PFN2: variants seen among roughly 807,000 people sequenced by gnomAD.
PFN2 encodes profilin 2, also known as profilin-2.
PFN2 carries 8 observed loss-of-function variants against 15.3 expected under a neutral mutation model. The ratio of observed to expected loss-of-function variants is 0.52; its 90% CI spans 0.31 to 0.95. PFN2 has a LOEUF of 0.95. Among genes scored for constraint, PFN2 ranks in the 40% least tolerant of loss-of-function variants. PFN2 has a pLI of 0.05. For missense variants in PFN2, 111 were observed against 182.3 expected, an observed-to-expected ratio of 0.61 and a Z score of 2.25; for synonymous variants, 79 against 67.9, an observed-to-expected ratio of 1.16 and a Z score of -0.81.
In PFN2 at chr3:149,965,498, C is replaced by G; in HGVS notation, c.*991G>C. 1 of 1,407,906 alleles carries G rather than the reference C, an allele frequency of 7.1e-7. No homozygotes were observed. Among genetic ancestry groups the G allele is most frequent in the Non-Finnish European group, 9.2e-7 (1 of 1,087,838 alleles). The allele number at this position is 1,407,906 out of a possible 1,614,324, so 87.2% of individuals were successfully genotyped here. On this transcript the variant is annotated 3_prime_UTR_variant, in exon 3 of 3. Coordinates refer to ENST00000239940, the MANE Select transcript of PFN2 (RefSeq NM_053024.4). ...TACTGTAAGGTCATGGGAGGAAGTG[C>G]TTTTTGCTCTTGTTTTGCCATTGCA...
chr3:149,964,995 A>G lies in PFN2; in HGVS notation c.*1494T>C. On this transcript the variant is annotated 3_prime_UTR_variant, in exon 3 of 3. Coordinates refer to ENST00000239940, the MANE Select transcript of PFN2 (RefSeq NM_053024.4). ...AAATGCATATTAAATCAGATGAGTT[A>G]GACTGTATCCCAGATGTAACAAAGT... 2.0e-6 allele frequency: 1 copy of G among 495,368 alleles called. No homozygotes were observed. The highest frequency in any genetic ancestry group is 3.7e-5 in the South Asian group (1 of 27,144). 30.7% of individuals were successfully genotyped at this position (495,368 alleles called of 1,614,324 possible). A position where few individuals can be genotyped will look rare whatever the true frequency, so the allele number is the denominator to read the frequency against.
rs553690087 is a variant in PFN2, at chr3:149,965,852, A to G, written c.*637T>C. ...ACTGATCAGAGATTGTACAACCGGC[A>G]CCTTGCTTAATATTAACTTATTTTA... On this transcript the variant is annotated 3_prime_UTR_variant, in exon 3 of 3. Transcript: ENST00000239940. 1.0e-5 allele frequency: 12 copies of G among 1,155,344 alleles called. No individual in the cohort carries two copies. Among genetic ancestry groups the G allele is most frequent in the Non-Finnish European group, 1.1e-5 (10 of 936,742 alleles). 71.6% of individuals were successfully genotyped at this position (1,155,344 alleles called of 1,614,324 possible). A position where few individuals can be genotyped will look rare whatever the true frequency, so the allele number is the denominator to read the frequency against.
chr3:149,968,443 G>C lies in PFN2; in HGVS notation c.240C>G (p.Val80=). The change falls in exon 2 of 3, where the codon GTC becomes GTG. Residue 80 remains valine (V), a synonymous_variant. Transcript: ENST00000239940. The part of the protein sequence containing the change: ...KCSVIRDSLY[V]DGDCTMDIRT... ...GGATGTCCATTGTGCAGTCACCATC[G>C]ACGTATAGACTATCTCTGATCACTG... 6.2e-7 allele frequency: 1 copy of C among 1,613,870 alleles called. No homozygotes were observed. Among genetic ancestry groups the C allele is most frequent in the Non-Finnish European group, 8.5e-7 (1 of 1,179,956 alleles).
intron 2 of PFN2, among the ~76,000 whole-genome samples, chr3:149,967,230 G>C (rs970425221): frequency 1.3e-5 from 2 of 152,146 alleles, no homozygotes; most frequent in Non-Finnish European, 1.5e-5. Context: ...CAATTCAAAG[G>C]TGTATAACCC....
In PFN2 at chr3:149,968,399, C is replaced by G. The variant is rs1722750401; in HGVS notation, c.284G>C (p.Gly95Ala). 6.2e-7 allele frequency: 1 copy of G among 1,613,992 alleles called. No individual in the cohort carries two copies. Among genetic ancestry groups the G allele is most frequent in the Non-Finnish European group, 8.5e-7 (1 of 1,180,012 alleles). Residue 95 changes from glycine to alanine, a missense_variant, in exon 2 of 3, where the codon GGG (glycine) becomes GCG (alanine). Coordinates refer to ENST00000239940, the MANE Select transcript of PFN2 (RefSeq NM_053024.4). ...GACAGCCACATTGTATGTTGGCTCC[C>G]CACCTTGACTCTTTGTCCGGATGTC... ...TMDIRTKSQGGEPTYNVAVGR... is the reference protein window; with the variant it reads ...TMDIRTKSQGAEPTYNVAVGR...
intron 2 of PFN2, among the ~76,000 whole-genome samples, chr3:149,967,955 G>T (rs1276807898): frequency 1.3e-5 from 2 of 152,064 alleles, no homozygotes; most frequent in African/African-American, 4.8e-5. Flanking sequence ...GTAGTGAAAT[G>T]GTTAGAATAC....
intron 1 of PFN2, among the ~76,000 whole-genome samples, chr3:149,970,148 C>G (rs1340124759): frequency 1.3e-5 from 2 of 152,160 alleles, no homozygotes; most frequent in East Asian, 3.9e-4. Context: ...CCCCAGAGGC[C>G]TGGACATCGG....
chr3:149,966,172 C>A lies in PFN2; in HGVS notation c.*317G>T, dbSNP rs1326445787. The A allele has an allele frequency of 1.2e-6, 2 of 1,613,110 alleles. No individual in the cohort carries two copies. Among genetic ancestry groups the A allele is most frequent in the Non-Finnish European group, 1.7e-6 (2 of 1,179,438 alleles). ...GGTAGATGGGGAGAGGCTGCTTACA[C>A]ATCAGACCTCCTCAGGTATAAAGCG... On this transcript the variant is annotated 3_prime_UTR_variant, in exon 3 of 3. Coordinates refer to ENST00000239940, the MANE Select transcript of PFN2 (RefSeq NM_053024.4).
chr3:149,967,529 T>C (rs995006782), intron 2 of PFN2, among the ~76,000 whole-genome samples: 5 of 152,326 alleles, frequency 3.3e-5, no homozygotes, highest in Non-Finnish European at 7.3e-5. Flanking sequence ...TCCCCTCACA[T>C]GGTAGAGCTG....
At position 149,965,456 on chromosome 3, in the gene PFN2, G is replaced by C. The variant is rs572983403; in HGVS notation, c.*1033C>G. On this transcript the variant is annotated 3_prime_UTR_variant, in exon 3 of 3. Coordinates refer to ENST00000239940, the MANE Select transcript of PFN2 (RefSeq NM_053024.4). ...ATTGCAATGATGGAATGTCCCTGGGGATTCAATCAGTATGGTTACTGTAAG... is the reference window on the plus strand; with the variant it reads ...ATTGCAATGATGGAATGTCCCTGGGCATTCAATCAGTATGGTTACTGTAAG... 153 of 1,437,824 alleles carry C rather than the reference G, an allele frequency of 1.1e-4. No homozygotes were observed. The highest frequency in any genetic ancestry group is 1.3e-4 in the Non-Finnish European group (145 of 1,103,852). The allele number at this position is 1,437,824 out of a possible 1,614,324, so 89.1% of individuals were successfully genotyped here.
chr3:149,968,827 A>G (rs189225843), intron 1 of PFN2: 1 of 375,156 alleles, frequency 2.7e-6, no homozygotes, highest in East Asian at 4.7e-5. Flanking sequence ...AAGAGTTGAC[A>G]GTTGACACTA....
At chr3:149,968,641 A>G (rs1194740931) in intron 1 of PFN2, 91 bp from the exon 2 acceptor site, 3 of 1,080,164 alleles carry the variant, frequency 2.8e-6, no homozygotes, top group Non-Finnish European at 2.7e-6. Context: ...GAAGGGCTGT[A>G]GCTAGGCTTA....
Position 149,965,612 on chromosome 3 carries a change from C to A in PFN2, c.*877G>T. On this transcript the variant is annotated 3_prime_UTR_variant, in exon 3 of 3. Transcript: ENST00000239940. ...ACTAAAAGCAAACTACTGCAGCTCT[C>A]AATAGCTCATCAACAAAAGGGATTT... The A allele has an allele frequency of 9.4e-7, 1 of 1,067,704 alleles. No homozygotes were observed. Among genetic ancestry groups the A allele is most frequent in the Non-Finnish European group, 1.1e-6 (1 of 887,612 alleles). The allele number at this position is 1,067,704 out of a possible 1,614,324, so 66.1% of individuals were successfully genotyped here.
Position 149,965,936 on chromosome 3 carries a change from C to A in PFN2, c.*553G>T. The A allele has an allele frequency of 7.6e-7, 1 of 1,320,632 alleles. No homozygotes were observed. Among genetic ancestry groups the A allele is most frequent in the South Asian group, 2.1e-5 (1 of 46,984 alleles). The allele number at this position is 1,320,632 out of a possible 1,614,324, so 81.8% of individuals were successfully genotyped here. A position where few individuals can be genotyped will look rare whatever the true frequency, so the allele number is the denominator to read the frequency against. ...TGATGCCCAACTTGGCATGCCCCCT[C>A]CCCCCAATTTCAAGGTATCATGCAA... On this transcript the variant is annotated 3_prime_UTR_variant, in exon 3 of 3. Transcript: ENST00000239940.
At chr3:149,970,420 T>TGCGTGCCCC (rs1209025133) in intron 1 of PFN2, 9 of 238,502 alleles carry the variant, frequency 3.8e-5, no homozygotes, top group Non-Finnish European at 7.2e-5. Context: ...CCCCTTGCCC[T>TGCGTGCCCC]GGCCGGTGCG....
chr3:149,965,235 C>T lies in PFN2; in HGVS notation c.*1254G>A. 6.6e-7 allele frequency: 1 copy of T among 1,523,990 alleles called. No homozygotes were observed. The highest frequency in any genetic ancestry group is 8.7e-7 in the Non-Finnish European group (1 of 1,145,548). 94.4% of individuals were successfully genotyped at this position (1,523,990 alleles called of 1,614,324 possible). A position where few individuals can be genotyped will look rare whatever the true frequency, so the allele number is the denominator to read the frequency against. ...GAATACATATGAAAAAAATTCATCA[C>T]AAGACAGCCAAGTCCACAATAATGC... On this transcript the variant is annotated 3_prime_UTR_variant, in exon 3 of 3. Coordinates refer to ENST00000239940, the MANE Select transcript of PFN2 (RefSeq NM_053024.4).
chr3:149,965,383 TAA>T lies in PFN2; in HGVS notation c.*1104_*1105del, dbSNP rs1460387176. 9 of 1,478,684 alleles carry T rather than the reference TAA, an allele frequency of 6.1e-6. No homozygotes were observed. Among genetic ancestry groups the T allele is most frequent in the Non-Finnish European group, 6.2e-6 (7 of 1,125,624 alleles). 91.6% of individuals were successfully genotyped at this position (1,478,684 alleles called of 1,614,324 possible). ...TAATGGCAGCCTTTTACAATTTTAC[TAA>T]AGAGTAGAGCTGGTGTGCAAAGAAA... On this transcript the variant is annotated 3_prime_UTR_variant, in exon 3 of 3. Transcript: ENST00000239940.
intron 1 of PFN2, 27 bp from the exon 2 acceptor site, chr3:149,968,577 A>G: frequency 6.9e-7 from 1 of 1,449,702 alleles, no homozygotes. Context: ...AGAAAAAAAA[A>G]AAACACACAC....
At position 149,970,771 on chromosome 3, in the gene PFN2, T is replaced by C. The variant is rs1179757541; in HGVS notation, c.86A>G (p.Lys29Arg). 3.3e-6 allele frequency: 5 copies of C among 1,517,886 alleles called. No homozygotes were observed. Among genetic ancestry groups the C allele is most frequent in the South Asian group, 1.2e-5 (1 of 81,810 alleles). The allele number at this position is 1,517,886 out of a possible 1,614,324, so 94.0% of individuals were successfully genotyped here. ...CCCGGCCGTGGCTGCCCAGACGTAT[T>C]TGGCGTCGCAGTAGCCGACAATGGC... ...EAAIVGYCDA[K>R]YVWAATAGGV... Residue 29 changes from lysine to arginine, a missense_variant, in exon 1 of 3, where the codon AAA becomes AGA. Lys to Arg is a conservative substitution (Grantham distance 26). Coordinates refer to ENST00000239940, the MANE Select transcript of PFN2 (RefSeq NM_053024.4).
Sources: allele counts gnomAD v4.1 joint callset (sites outside exome capture counted in the v4.1 genomes callset), GRCh38; gene constraint gnomAD v4.1.1; transcripts MANE v1.5; gene names NCBI Gene and HGNC (gene_info 2026-07-23, HGNC 2026-07-21).